Variants in RERE observed in about 807,000 individuals in gnomAD.
RERE encodes arginine-glutamic acid dipeptide repeats protein.
RERE carries 40 observed loss-of-function variants against 146.1 expected under a neutral mutation model. That is an observed-to-expected ratio of 0.27 (90% CI 0.21 to 0.36). The LOEUF (loss-of-function observed/expected upper bound fraction) is 0.36. RERE is among the 10% of genes least tolerant of loss of function. RERE has a pLI of 1.00. For synonymous variants in RERE, 1,003 were observed against 866.0 expected, an observed-to-expected ratio of 1.16 and a Z score of -2.78; for missense variants, 1,933 against 2,138.7, an observed-to-expected ratio of 0.90 and a Z score of 1.90.
At chr1:8,701,943 T>A (rs1027309164) in intron 1 of RERE, among the ~76,000 whole-genome samples, 60 of 152,074 alleles carry the variant, frequency 3.9e-4, no homozygotes, top group Non-Finnish European at 1.3e-4. Flanking sequence ...AACACATGCA[T>A]AAAAATGTAG....
At chr1:8,771,287 C>T (rs911719168) in intron 1 of RERE, among the ~76,000 whole-genome samples, 1 of 150,970 alleles carries the variant, frequency 6.6e-6, no homozygotes, top group East Asian at 2.0e-4. Context: ...TTTGGGAGGC[C>T]GAGGCGGGTG....
chr1:8,744,641 G>C (rs978589748), intron 1 of RERE, among the ~76,000 whole-genome samples: 2 of 152,184 alleles, frequency 1.3e-5, no homozygotes, highest in African/African-American at 4.8e-5. Flanking sequence ...GTCTAAAAGA[G>C]ATGACCTTCA....
intron 7 of RERE, among the ~76,000 whole-genome samples, chr1:8,526,686 T>C (rs1377243987): frequency 6.6e-6 from 1 of 152,170 alleles, no homozygotes; most frequent in African/African-American, 2.4e-5. Context: ...TTTCCTAAAG[T>C]AATACTAGCC....
chr1:8,355,250 C>T, intron 22 of RERE, 130 bp from the exon 23 acceptor site: 1 of 1,168,736 alleles, frequency 8.6e-7, no homozygotes, highest in East Asian at 2.4e-5. Context: ...TGTAGCTGAC[C>T]TACCCTCCCA....
At position 8,364,021 on chromosome 1, in the gene RERE, A is replaced by G. The variant is rs759373255; in HGVS notation, c.1740+35T>C. The G allele has an allele frequency of 6.3e-7, 1 of 1,593,464 alleles. No individual in the cohort carries two copies. The highest frequency in any genetic ancestry group is 2.2e-5 in the East Asian group (1 of 44,766). On this transcript the variant is annotated intron_variant, in intron 15 of 22. Coordinates refer to ENST00000400908, the MANE Select transcript of RERE (RefSeq NM_001042681.2). This position sits in a 1 kb window ranked among gnomAD's most constrained non-coding sequence, Gnocchi z 5.1. Reference sequence around the variant, plus strand: ...CCCACACATCCCAGGAAACTGAAGAAGTTGCCAGGAGCCCCATGGCCCCAG... The same window carrying G: ...CCCACACATCCCAGGAAACTGAAGAGGTTGCCAGGAGCCCCATGGCCCCAG...
At chr1:8,557,342 T>C in intron 5 of RERE, 76 bp downstream of exon 5, 3 of 991,338 alleles carry the variant, frequency 3.0e-6, no homozygotes. Context: ...GTTATCTTCA[T>C]TTAATGAAAT....
At position 8,497,548 on chromosome 1, in the gene RERE, T is replaced by A. The variant is rs1423201441; in HGVS notation, c.880-19A>T. 1.2e-6 allele frequency: 2 copies of A among 1,613,502 alleles called. No individual in the cohort carries two copies. The highest frequency in any genetic ancestry group is 1.1e-5 in the South Asian group (1 of 91,066). On this transcript the variant is annotated intron_variant, in intron 8 of 22. Coordinates refer to ENST00000400908, the MANE Select transcript of RERE (RefSeq NM_001042681.2). ...GTTTGGCCTGTAAGACAGGGATGAG[T>A]AAGTCACAATCAAGGCATGTATTAA...
intron 1 of RERE, among the ~76,000 whole-genome samples, chr1:8,794,474 C>A (rs1410668734): frequency 6.6e-6 from 1 of 151,526 alleles, no homozygotes; most frequent in Non-Finnish European, 1.5e-5. Flanking sequence ...GTTGAGGTGG[C>A]AGGGAAAACT....
chr1:8,442,862 G>C (rs1256103776), intron 11 of RERE, among the ~76,000 whole-genome samples: 1 of 152,202 alleles, frequency 6.6e-6, no homozygotes, highest in African/African-American at 2.4e-5. Context: ...GAAGGTCTCA[G>C]ATGGAAATGA....
At chr1:8,654,227 C>T (rs1647799788) in intron 2 of RERE, among the ~76,000 whole-genome samples, 1 of 151,882 alleles carries the variant, frequency 6.6e-6, no homozygotes, top group Admixed American at 6.6e-5. Flanking sequence ...TGCAGAGATA[C>T]GGTCTCACTA....
Position 8,356,173 on chromosome 1 carries a change from C to T in RERE, c.4413G>A (p.Pro1471=), listed in dbSNP as rs145740916. The T allele has an allele frequency of 1.2e-4, 187 of 1,520,022 alleles. 1 individual carries two copies. In the African/African-American group the frequency reaches 1.5e-3, roughly 12 times the overall value. 94.2% of individuals were successfully genotyped at this position (1,520,022 alleles called of 1,614,324 possible). A position where few individuals can be genotyped will look rare whatever the true frequency, so the allele number is the denominator to read the frequency against. The change falls in exon 21 of 23, where the codon CCG becomes CCA. Residue 1471 remains proline, a synonymous_variant. Transcript: ENST00000400908. The surrounding 1 kb of genome is among the most constrained non-coding windows in gnomAD (Gnocchi z 5.2). The part of the protein sequence containing the change: ...AGPHLARFPY[P]PGTLPNPLLG... ...GCAGAGGGTTGGGGAGAGTGCCAGG[C>T]GGGTAGGGGAAGCGAGCCAGGTGGG...
chr1:8,383,767 G>A (rs1463113597), intron 12 of RERE, among the ~76,000 whole-genome samples: 1 of 152,138 alleles, frequency 6.6e-6, no homozygotes, highest in Non-Finnish European at 1.5e-5. Context: ...GCTGAGGCAG[G>A]AGAATCGCTT....
chr1:8,408,382 G>C lies in RERE; in HGVS notation c.1284+14345C>G, dbSNP rs564739384. Among the ~76,000 whole-genome samples the C allele has an allele frequency of 2.0e-5, 3 of 152,258 alleles. No individual in the cohort carries two copies. In the East Asian group the frequency reaches 5.8e-4, roughly 29 times the overall value. Reference sequence around the variant, plus strand: ...CTTTCAAAGAGAGCAAGAGGAGGAGGGAAAAAGATTTCACAAAAGCATTAT... The same window carrying C: ...CTTTCAAAGAGAGCAAGAGGAGGAGCGAAAAAGATTTCACAAAAGCATTAT... On this transcript the variant is annotated intron_variant, in intron 12 of 22. Coordinates refer to ENST00000400908, the MANE Select transcript of RERE (RefSeq NM_001042681.2).
intron 2 of RERE, among the ~76,000 whole-genome samples, chr1:8,630,746 A>T (rs1350172962): frequency 6.6e-6 from 1 of 152,170 alleles, no homozygotes; most frequent in Non-Finnish European, 1.5e-5. Context: ...ACGTACATAT[A>T]TACACACATA....
At chr1:8,441,921 T>C (rs1209881052) in intron 11 of RERE, among the ~76,000 whole-genome samples, 1 of 122,624 alleles carries the variant, frequency 8.2e-6, no homozygotes, top group Non-Finnish European at 2.0e-5. Flanking sequence ...AATAACCATA[T>C]GCCCGATTTC....
chr1:8,779,661 C>CA (rs1047033038), intron 1 of RERE, among the ~76,000 whole-genome samples: 371 of 143,014 alleles, frequency 2.6e-3, no homozygotes, highest in African/African-American at 8.6e-3. Flanking sequence ...AGACTGTCTC[C>CA]AAAAAAAAAA....
rs1160035843 is a variant in RERE at position 8,364,848 on chromosome 1, G to A, written c.1448-10C>T. 6.6e-7 allele frequency: 1 copy of A among 1,511,430 alleles called. No individual in the cohort carries two copies. The highest frequency in any genetic ancestry group is 9.0e-7 in the Non-Finnish European group (1 of 1,114,236). 93.6% of individuals were successfully genotyped at this position (1,511,430 alleles called of 1,614,324 possible). A position where few individuals can be genotyped will look rare whatever the true frequency, so the allele number is the denominator to read the frequency against. Reference sequence around the variant, plus strand: ...GCTGAACTTAGGTCCACTGGGCGTGGCAGGCACATAGTGGGGGTGGGGGAG... The same window carrying A: ...GCTGAACTTAGGTCCACTGGGCGTGACAGGCACATAGTGGGGGTGGGGGAG... On this transcript the variant is annotated splice_polypyrimidine_tract_variant and intron_variant, in intron 13 of 22. Transcript: ENST00000400908. The surrounding 1 kb of genome is among the most constrained non-coding windows in gnomAD (Gnocchi z 5.1).
intron 1 of RERE, among the ~76,000 whole-genome samples, chr1:8,728,114 C>G (rs1187398654): frequency 6.6e-6 from 1 of 152,220 alleles, no homozygotes; most frequent in Non-Finnish European, 1.5e-5. Flanking sequence ...TGCCAGGCAA[C>G]CAGAGCTCTA....
chr1:8,590,164 T>G (rs1646475898), intron 4 of RERE, among the ~76,000 whole-genome samples: 1 of 152,014 alleles, frequency 6.6e-6, no homozygotes. Context: ...ACAAGGTAAT[T>G]TCAGATGATA....
Sources: gnomAD v4.1 joint callset for allele counts (sites outside exome capture counted in the v4.1 genomes callset) on GRCh38, gnomAD v4.1.1 for gene constraint, Gnocchi (gnomAD v3.1) non-coding constraint, MANE v1.5 for transcripts, NCBI Gene and HGNC (gene_info 2026-07-23, HGNC 2026-07-21) for gene names.